The following CDH18 variants were observed in gnomAD, a reference collection of about 807,000 sequenced individuals.
CDH18 encodes cadherin-18.
Under a neutral mutation model 67.9 loss-of-function variants are expected in CDH18, and 31 were observed. The observed-to-expected ratio is 0.46, with a 90% CI of 0.34 to 0.62. The LOEUF (loss-of-function observed/expected upper bound fraction) is 0.62. Ranked by LOEUF, CDH18 falls within the 20% of genes least tolerant of loss-of-function variation. The probability of loss-of-function intolerance (pLI) is 0.01; values close to 1 mark genes in which losing one functional copy is unlikely to be tolerated. For synonymous variants in CDH18, 362 were observed against 347.2 expected, an observed-to-expected ratio of 1.04 and a Z score of -0.48; for missense variants, 890 against 975.5, an observed-to-expected ratio of 0.91 and a Z score of 1.17.
At chr5:20,233,909 T>C (rs905892508) in intron 2 of CDH18, among the ~76,000 whole-genome samples, 7 of 152,260 alleles carry the variant, frequency 4.6e-5, no homozygotes, top group East Asian at 1.9e-4. Flanking sequence ...GCTTATGGTC[T>C]ATTTTATTCC....
intron 2 of CDH18, among the ~76,000 whole-genome samples, chr5:20,178,128 T>C (rs995603880): frequency 6.6e-6 from 1 of 152,102 alleles, no homozygotes; most frequent in Non-Finnish European, 1.5e-5. Flanking sequence ...TCTGAATGTT[T>C]GAGCTCAGAT....
At chr5:19,597,357 T>G (rs1746341588) in intron 6 of CDH18, among the ~76,000 whole-genome samples, 1 of 152,188 alleles carries the variant, frequency 6.6e-6, no homozygotes, top group East Asian at 1.9e-4. Context: ...ATATTAGTTG[T>G]TTTAATATGC....
chr5:19,490,337 C>A (rs1487343899), intron 11 of CDH18, among the ~76,000 whole-genome samples: 1 of 141,700 alleles, frequency 7.1e-6, no homozygotes, highest in East Asian at 2.1e-4. Context: ...AAGCAAGTGA[C>A]ATGCAATGAT....
chr5:19,852,148 A>G (rs1036343081), intron 2 of CDH18, among the ~76,000 whole-genome samples: 20 of 152,142 alleles, frequency 1.3e-4, no homozygotes, highest in Admixed American at 9.2e-4. Flanking sequence ...CAGGTGGTAG[A>G]TTAACCAGGT....
chr5:20,111,126 T>A (rs1747421746), intron 2 of CDH18, among the ~76,000 whole-genome samples: 1 of 152,332 alleles, frequency 6.6e-6, no homozygotes, highest in East Asian at 1.9e-4. Context: ...CAATTATAGT[T>A]TATGTAATAG....
chr5:19,665,400 A>T (rs1757767140), intron 5 of CDH18, among the ~76,000 whole-genome samples: 1 of 152,024 alleles, frequency 6.6e-6, no homozygotes. Flanking sequence ...ATCTACATAG[A>T]TACTCCATGC....
intron 2 of CDH18, among the ~76,000 whole-genome samples, chr5:20,106,885 C>A (rs193212703): frequency 6.6e-6 from 1 of 152,128 alleles, no homozygotes; most frequent in Non-Finnish European, 1.5e-5. Flanking sequence ...TATAACATGA[C>A]AAAAATCATT....
At chr5:19,922,854 C>A (rs1240548380) in intron 2 of CDH18, among the ~76,000 whole-genome samples, 2 of 152,104 alleles carry the variant, frequency 1.3e-5, no homozygotes, top group Non-Finnish European at 2.9e-5. Flanking sequence ...GACGCTCCTG[C>A]ATTTCAAGCT....
intron 1 of CDH18, among the ~76,000 whole-genome samples, chr5:20,330,090 TAA>T (rs1174859112): frequency 1.6e-4 from 24 of 152,292 alleles, no homozygotes; most frequent in Non-Finnish European, 2.4e-4. Context: ...TGTTTTATCA[TAA>T]GTCTGTATTT....
intron 2 of CDH18, among the ~76,000 whole-genome samples, chr5:19,973,106 T>TAA (rs1157569238): frequency 3.9e-5 from 6 of 152,060 alleles, no homozygotes; most frequent in Non-Finnish European, 7.4e-5. Flanking sequence ...TGAAAATGCA[T>TAA]AAACAACTGA....
At chr5:20,014,975 G>C (rs1737758783) in intron 2 of CDH18, among the ~76,000 whole-genome samples, 1 of 152,090 alleles carries the variant, frequency 6.6e-6, no homozygotes, top group African/African-American at 2.4e-5. Flanking sequence ...AGAGGGAGGA[G>C]CTTTGGACTT....
chr5:20,172,221 T>TATATATATATATACACAC (rs1554098770), intron 2 of CDH18, among the ~76,000 whole-genome samples: 2 of 78,346 alleles, frequency 2.6e-5, no homozygotes, highest in African/African-American at 1.1e-4. Flanking sequence ...TATATATATA[T>TATATATATATATACACAC]ATGTATATAT....
intron 5 of CDH18, among the ~76,000 whole-genome samples, chr5:19,617,959 C>T (rs1750096244): frequency 6.6e-6 from 1 of 152,078 alleles, no homozygotes; most frequent in South Asian, 2.1e-4. Context: ...AGTAGATCCT[C>T]CAAAATGTTT....
intron 2 of CDH18, among the ~76,000 whole-genome samples, chr5:19,905,624 T>A (rs1790449319): frequency 6.6e-6 from 1 of 151,972 alleles, no homozygotes. Context: ...AATATGATGA[T>A]AATATTATTT....
In CDH18 at chr5:19,548,567, C is replaced by T. The variant is rs371757374; in HGVS notation, c.1254-4562G>A. ...CACTTGCAGTATACTAGATGGGGTT[C>T]TAAGTGCTTTATAAATATTAGTTCA... On this transcript the variant is annotated intron_variant, in intron 8 of 12. Transcript: ENST00000382275. Among the ~76,000 whole-genome samples the T allele has an allele frequency of 3.0e-3, 458 of 151,790 alleles. 2 individuals are homozygous for T. The highest frequency in any genetic ancestry group is 0.01 in the African/African-American group (432 of 41,404).
chr5:20,123,956 G>A (rs949216846), intron 2 of CDH18, among the ~76,000 whole-genome samples: 3 of 151,210 alleles, frequency 2.0e-5, no homozygotes, highest in African/African-American at 7.3e-5. Context: ...CTTCAGTCAT[G>A]TATTTGTGAT....
intron 2 of CDH18, among the ~76,000 whole-genome samples, chr5:20,227,366 C>T (rs1741715348): frequency 6.6e-6 from 1 of 152,040 alleles, no homozygotes; most frequent in African/African-American, 2.4e-5. Context: ...TTCCACACTC[C>T]ACAAACGTTC....
chr5:19,689,569 A>G (rs1413735477), intron 5 of CDH18, among the ~76,000 whole-genome samples: 1 of 151,922 alleles, frequency 6.6e-6, no homozygotes, highest in Admixed American at 6.6e-5. Context: ...TATATCTATC[A>G]TTGTGAAATA....
At chr5:19,755,484 T>C (rs1200975102) in intron 3 of CDH18, among the ~76,000 whole-genome samples, 1 of 103,244 alleles carries the variant, frequency 9.7e-6, no homozygotes, top group African/African-American at 2.9e-5. Context: ...CATACATAGA[T>C]ATATACACAT....
Sources: allele counts gnomAD v4.1 joint callset (sites outside exome capture counted in the v4.1 genomes callset), GRCh38; gene constraint gnomAD v4.1.1; transcripts MANE v1.5; gene names NCBI Gene and HGNC (gene_info 2026-07-23, HGNC 2026-07-21).